UBXN2B: variants seen among roughly 807,000 people sequenced by gnomAD.
UBXN2B encodes the protein UBX domain-containing protein 2B.
UBXN2B carries 19 observed loss-of-function variants against 37.5 expected under a neutral mutation model. The ratio of observed to expected loss-of-function variants is 0.51; its 90% CI spans 0.35 to 0.74. The LOEUF is 0.74. UBXN2B is among the 30% of genes least tolerant of loss of function. UBXN2B has a pLI of 0.01. For missense variants in UBXN2B, 370 were observed against 393.2 expected (o/e 0.94, Z 0.50); for synonymous variants, 145 against 143.8 (o/e 1.01, Z -0.06).
At chr8:58,415,207 A>G (rs933363530) in intron 1 of UBXN2B, among the ~76,000 whole-genome samples, 9 of 152,104 alleles carry the variant, frequency 5.9e-5, no homozygotes, top group Middle Eastern at 3.2e-3. Flanking sequence ...AGATATTAAG[A>G]AGATTAGAAA....
chr8:58,448,667 A>G lies in UBXN2B; in HGVS notation c.*1116A>G, dbSNP rs542798562. The G allele has an allele frequency of 6.5e-6, 1 of 152,716 alleles. No homozygotes were observed. The highest frequency in any genetic ancestry group is 2.4e-5 in the African/African-American group (1 of 41,552). 9.5% of individuals were successfully genotyped at this position (152,716 alleles called of 1,614,324 possible). On this transcript the variant is annotated 3_prime_UTR_variant, in exon 8 of 8. Coordinates refer to ENST00000399598, the MANE Select transcript of UBXN2B (RefSeq NM_001077619.2). ...AGAATGTCTTCTCCAGAACAAGACT[A>G]GTGTAGAAATACAGGAATGTAAATT...
chr8:58,440,199 A>G (rs778378899), intron 6 of UBXN2B, among the ~76,000 whole-genome samples: 1 of 152,194 alleles, frequency 6.6e-6, no homozygotes, highest in Non-Finnish European at 1.5e-5. Context: ...ACTATATTAT[A>G]TGCCTCTTTC....
rs1486907047 is a variant in UBXN2B at position 58,447,570 on chromosome 8, A to C, written c.*19A>C. 1 of 1,577,060 alleles carries C rather than the reference A, an allele frequency of 6.3e-7. No homozygotes were observed. Among genetic ancestry groups the C allele is most frequent in the African/African-American group, 1.3e-5 (1 of 74,490 alleles). On this transcript the variant is annotated 3_prime_UTR_variant, in exon 8 of 8. Transcript: ENST00000399598. ...AAAATAATATTGTTCCTGTCCATGC[A>C]GTAGCATGTGGGAATAGATGATGTG...
chr8:58,428,483 G>T (rs1395561212), intron 2 of UBXN2B, among the ~76,000 whole-genome samples: 1 of 152,126 alleles, frequency 6.6e-6, no homozygotes, highest in Non-Finnish European at 1.5e-5. Flanking sequence ...TGGTCATTTT[G>T]ATGTTTTCCT....
intron 5 of UBXN2B, among the ~76,000 whole-genome samples, chr8:58,438,540 G>GT (rs1488863140): frequency 6.6e-6 from 1 of 152,220 alleles, no homozygotes; most frequent in African/African-American, 2.4e-5. Context: ...GCCCTGCCGG[G>GT]TTTCAGACTT....
chr8:58,423,095 AT>A (rs1807970955), intron 2 of UBXN2B, among the ~76,000 whole-genome samples: 10 of 150,968 alleles, frequency 6.6e-5, no homozygotes, highest in Non-Finnish European at 1.3e-4. Flanking sequence ...CATCATCATC[AT>A]CATCATCATC....
At chr8:58,446,779 A>ATTTTGTTTTTTTTTTTTTTTTT (rs1808682688) in intron 7 of UBXN2B, among the ~76,000 whole-genome samples, 1 of 17,386 alleles carries the variant, frequency 5.8e-5, no homozygotes, top group African/African-American at 2.2e-4. Flanking sequence ...TACAACCTGC[A>ATTTTGTTTTTTTTTTTTTTTTT]TTTTTTTTTT....
chr8:58,440,514 C>T (rs1051303808), intron 6 of UBXN2B, among the ~76,000 whole-genome samples: 1 of 152,150 alleles, frequency 6.6e-6, no homozygotes, highest in Non-Finnish European at 1.5e-5. Flanking sequence ...AAAACCAACG[C>T]ACATGGCAGA....
intron 5 of UBXN2B, among the ~76,000 whole-genome samples, chr8:58,436,768 C>G (rs1205738473): frequency 6.6e-6 from 1 of 152,328 alleles, no homozygotes; most frequent in East Asian, 1.9e-4. Context: ...GTGTCATACA[C>G]CAGGTCCCCC....
intron 3 of UBXN2B, among the ~76,000 whole-genome samples, chr8:58,432,754 A>G (rs926009977): frequency 2.2e-4 from 34 of 152,168 alleles, no homozygotes; most frequent in African/African-American, 7.2e-4. Flanking sequence ...TTGTGGTATC[A>G]TTTCATACAT....
At chr8:58,441,318 T>C (rs1435835404) in intron 6 of UBXN2B, among the ~76,000 whole-genome samples, 1 of 129,580 alleles carries the variant, frequency 7.7e-6, no homozygotes, top group African/African-American at 3.1e-5. Flanking sequence ...TTGTATAATA[T>C]TATGTTTTTA....
At chr8:58,414,473 T>A (rs1182380193) in intron 1 of UBXN2B, among the ~76,000 whole-genome samples, 3 of 152,248 alleles carry the variant, frequency 2.0e-5, no homozygotes, top group Non-Finnish European at 2.9e-5. Context: ...TTTCAAATTC[T>A]AGAGGAAAGA....
Position 58,430,662 on chromosome 8 carries a change from A to T in UBXN2B, c.332A>T (p.Lys111Ile). ...GCCACAAGAGCTTCAGGTGATGATA[A>T]ATCTAAGGTCAGTGCTCAATTTTAA... ...NEATRASGDD[K>I]SKSFTGGGYR... The change falls in exon 3 of 8, where the codon AAA (lysine) becomes ATA (isoleucine). Residue 111 changes from lysine to isoleucine, a missense_variant. Physicochemically the swap from Lys to Ile is moderately radical, Grantham distance 102 (BLOSUM62 -3). Coordinates refer to ENST00000399598, the MANE Select transcript of UBXN2B (RefSeq NM_001077619.2). The T allele has an allele frequency of 6.4e-7, 1 of 1,554,288 alleles. No homozygotes were observed. Among genetic ancestry groups the T allele is most frequent in the South Asian group, 1.3e-5 (1 of 79,244 alleles).
intron 7 of UBXN2B, 69 bp from the exon 8 acceptor site, chr8:58,447,320 A>T (rs1808704714): frequency 1.4e-6 from 2 of 1,396,526 alleles, no homozygotes; most frequent in Non-Finnish European, 1.9e-6. Flanking sequence ...TTTTATTATG[A>T]TTCAGTTTTA....
In UBXN2B at chr8:58,425,260, C is replaced by T; in HGVS notation, c.189-5259C>T. 3 of 1,130,940 alleles carry T rather than the reference C, an allele frequency of 2.7e-6. No homozygotes were observed. The South Asian group carries it at 3.7e-5, about 14-fold the overall frequency. 70.1% of individuals were successfully genotyped at this position (1,130,940 alleles called of 1,614,324 possible). On this transcript the variant is annotated intron_variant, in intron 2 of 7. Transcript: ENST00000399598. ...TTCTTTTAGAGCATACTCATCAGGC[C>T]AGTATTTGACACATTTACTCTATCC...
chr8:58,439,854 T>A (rs992575136), intron 6 of UBXN2B, 84 bp downstream of exon 6: 2 of 1,414,536 alleles, frequency 1.4e-6, no homozygotes, highest in Non-Finnish European at 1.9e-6. Context: ...ACCTATGAAG[T>A]AAAAAACAAA....
chr8:58,422,093 CA>C (rs752070104), intron 2 of UBXN2B, among the ~76,000 whole-genome samples: 9 of 152,188 alleles, frequency 5.9e-5, no homozygotes, highest in Non-Finnish European at 1.2e-4. Flanking sequence ...ATAAAAAGAA[CA>C]GGATTCAAGC....
intron 6 of UBXN2B, among the ~76,000 whole-genome samples, chr8:58,445,262 A>G (rs1330872350): frequency 6.6e-6 from 1 of 152,212 alleles, no homozygotes. Flanking sequence ...TATTCTATCA[A>G]GCTTCATTAT....
chr8:58,423,619 T>C (rs1225952244), intron 2 of UBXN2B, among the ~76,000 whole-genome samples: 1 of 151,746 alleles, frequency 6.6e-6, no homozygotes, highest in African/African-American at 2.4e-5. Context: ...GTATTTTTAG[T>C]AGAGATGGGG....
Sources: allele counts gnomAD v4.1 joint callset (sites outside exome capture counted in the v4.1 genomes callset), GRCh38; gene constraint gnomAD v4.1.1; transcripts MANE v1.5; gene names NCBI Gene and HGNC (gene_info 2026-07-23, HGNC 2026-07-21).